IQGAP2: variants seen among roughly 807,000 people sequenced by gnomAD.
IQGAP2 encodes ras GTPase-activating-like protein IQGAP2.
IQGAP2 carries 173 observed loss-of-function variants against 201.3 expected under a neutral mutation model. The ratio of observed to expected loss-of-function variants is 0.86; its 90% CI spans 0.76 to 0.98. The LOEUF is 0.98. IQGAP2 is among the 50% of genes least tolerant of loss of function. The pLI, the probability that IQGAP2 is intolerant of heterozygous loss-of-function variation, is 0.00. For synonymous variants in IQGAP2, 675 were observed against 673.9 expected, an observed-to-expected ratio of 1.00 and a Z score of -0.03; for missense variants, 1,687 against 1,864.8, an observed-to-expected ratio of 0.90 and a Z score of 1.76.
intron 4 of IQGAP2, among the ~76,000 whole-genome samples, chr5:76,574,951 CTT>C (rs1745367255): frequency 6.6e-6 from 1 of 152,104 alleles, no homozygotes; most frequent in Non-Finnish European, 1.5e-5. Context: ...TAAAAATAAT[CTT>C]ATAGTATAAT....
At chr5:76,659,015 T>A (rs4704349) in intron 21 of IQGAP2, among the ~76,000 whole-genome samples, 81,185 of 152,012 alleles carry the variant, frequency 0.53, 21,894 homozygotes, top group African/African-American at 0.6. Flanking sequence ...TTATAGGACT[T>A]ATGTCTTATA....
intron 7 of IQGAP2, 95 bp downstream of exon 7, chr5:76,589,823 A>G: frequency 1.7e-6 from 1 of 595,660 alleles, no homozygotes; most frequent in Non-Finnish European, 2.8e-6. Flanking sequence ...TATTTAGAAG[A>G]TACTTTAAGC....
chr5:76,426,136 G>C (rs1273386579), intron 1 of IQGAP2, among the ~76,000 whole-genome samples: 1 of 152,190 alleles, frequency 6.6e-6, no homozygotes, highest in African/African-American at 2.4e-5. Context: ...GGCCAAATTA[G>C]ACATAATTGC....
intron 21 of IQGAP2, 88 bp from the exon 22 acceptor site, chr5:76,664,938 A>G (rs966828429): frequency 2.7e-5 from 20 of 754,536 alleles, no homozygotes; most frequent in Middle Eastern, 3.7e-4. Flanking sequence ...CTGTATTTCC[A>G]ATTACGTGTG....
At chr5:76,592,468 C>A (rs1222302221) in intron 8 of IQGAP2, among the ~76,000 whole-genome samples, 1 of 152,132 alleles carries the variant, frequency 6.6e-6, no homozygotes, top group Non-Finnish European at 1.5e-5. Flanking sequence ...TCTTATAGAA[C>A]CTATTCTGTT....
At chr5:76,519,351 G>A (rs1758531275) in intron 2 of IQGAP2, among the ~76,000 whole-genome samples, 2 of 152,138 alleles carry the variant, frequency 1.3e-5, no homozygotes, top group Non-Finnish European at 2.9e-5. Flanking sequence ...TCAACGTAGT[G>A]CATTTGAGAT....
At chr5:76,438,455 T>C (rs1752840734) in intron 1 of IQGAP2, among the ~76,000 whole-genome samples, 1 of 152,084 alleles carries the variant, frequency 6.6e-6, no homozygotes, top group Non-Finnish European at 1.5e-5. Context: ...ATTTTTTTCT[T>C]TTTTTGAGAT....
Position 76,517,938 on chromosome 5 carries a change from G to A in IQGAP2, c.147-44458G>A, listed in dbSNP as rs552496710. Among the ~76,000 whole-genome samples the A allele has an allele frequency of 3.3e-5, 5 of 152,170 alleles. No homozygotes were observed. In the South Asian group the frequency reaches 6.2e-4, roughly 19 times the overall value. ...ACATACCTGAGACTGGGCAATTTAC[G>A]AAATAAAGACGTTTATTTTATTTTA... On this transcript the variant is annotated intron_variant, in intron 2 of 35. Transcript: ENST00000274364.
At position 76,562,400 on chromosome 5, in the gene IQGAP2, A is replaced by G. The variant is rs766627856; in HGVS notation, c.151A>G (p.Met51Val). The G allele has an allele frequency of 6.2e-7, 1 of 1,610,720 alleles. No homozygotes were observed. Among genetic ancestry groups the G allele is most frequent in the South Asian group, 1.1e-5 (1 of 90,476 alleles). The change falls in exon 3 of 36, where the codon ATG becomes GTG. Residue 51 changes from methionine to valine, a missense_variant. By Grantham distance (21) the Met-to-Val change is conservative. Transcript: ENST00000274364. ...LCHLEEAKRW[M>V]EVCLVEELPP... ...TTTTTTTTTTAATCTCTTTAGGTGG[A>G]TGGAAGTTTGCTTAGTTGAAGAATT...
chr5:76,465,674 C>T (rs1580252992), intron 2 of IQGAP2, among the ~76,000 whole-genome samples: 3 of 152,262 alleles, frequency 2.0e-5, no homozygotes, highest in East Asian at 3.9e-4. Context: ...GAAAACCCCA[C>T]CACAATGAGT....
intron 1 of IQGAP2, among the ~76,000 whole-genome samples, chr5:76,421,679 C>T (rs1751738924): frequency 6.6e-6 from 1 of 152,160 alleles, no homozygotes; most frequent in Admixed American, 6.5e-5. Context: ...CTCAGATATG[C>T]AGGACAAGGG....
intron 5 of IQGAP2, among the ~76,000 whole-genome samples, chr5:76,581,045 G>A (rs1293983552): frequency 6.6e-6 from 1 of 152,196 alleles, no homozygotes; most frequent in Admixed American, 6.5e-5. Flanking sequence ...CTGTGTCGCA[G>A]CAGCCATGTT....
Position 76,707,281 on chromosome 5 carries a change from TA to T in IQGAP2, c.4697del (p.Tyr1566SerfsTer3). On this transcript the variant is annotated frameshift_variant, in exon 36 of 36. Coordinates refer to ENST00000274364, the MANE Select transcript of IQGAP2 (RefSeq NM_006633.5). LOFTEE classifies it high-confidence loss of function. ...TAAAGTGAATGTAAACCTTCTCATA[TA>T]CCTGCTGAACAAGAAGTTCTATGGA... The part of the protein sequence containing the change: ...KVKVNVNLLI[Y>X]LLNKKFYGK 1 of 1,567,592 alleles carries T rather than the reference TA, an allele frequency of 6.4e-7. No homozygotes were observed. Among genetic ancestry groups the T allele is most frequent in the Non-Finnish European group, 8.8e-7 (1 of 1,137,702 alleles).
chr5:76,664,330 T>C (rs1261476360), intron 21 of IQGAP2, among the ~76,000 whole-genome samples: 1 of 152,208 alleles, frequency 6.6e-6, no homozygotes, highest in East Asian at 1.9e-4. Flanking sequence ...GACACATTTA[T>C]TGGTTAAGTT....
intron 27 of IQGAP2, among the ~76,000 whole-genome samples, chr5:76,676,410 A>G (rs879344426): frequency 3.3e-5 from 5 of 152,242 alleles, no homozygotes; most frequent in Admixed American, 3.3e-4. Context: ...GGGAAAGCAG[A>G]GGTCATTTCT....
intron 13 of IQGAP2, chr5:76,617,713 T>A (rs1292388444): frequency 6.2e-7 from 1 of 1,614,028 alleles, no homozygotes. Flanking sequence ...CCATCAGTGT[T>A]GTTGTAGTAG....
At chr5:76,662,978 C>T (rs566954724) in intron 21 of IQGAP2, among the ~76,000 whole-genome samples, 2 of 152,160 alleles carry the variant, frequency 1.3e-5, no homozygotes, top group Non-Finnish European at 2.9e-5. Flanking sequence ...TGGAAGGCAA[C>T]AGATGTAGCC....
At chr5:76,453,401 T>G (rs1333525772) in intron 1 of IQGAP2, among the ~76,000 whole-genome samples, 2 of 152,240 alleles carry the variant, frequency 1.3e-5, no homozygotes, top group Non-Finnish European at 1.5e-5. Flanking sequence ...AAAACCCACT[T>G]GTAACCAAGA....
intron 2 of IQGAP2, among the ~76,000 whole-genome samples, chr5:76,526,351 C>A (rs927099494): frequency 6.6e-5 from 10 of 152,158 alleles, no homozygotes; most frequent in African/African-American, 2.2e-4. Context: ...TAGGGGCAGA[C>A]TTTATGCTAG....
Sources: gnomAD v4.1 joint callset for allele counts (sites outside exome capture counted in the v4.1 genomes callset) on GRCh38, gnomAD v4.1.1 for gene constraint, MANE v1.5 for transcripts, NCBI Gene and HGNC (gene_info 2026-07-23, HGNC 2026-07-21) for gene names.